Variants in SH3RF3 observed in about 807,000 individuals in gnomAD.
SH3RF3 encodes the protein E3 ubiquitin-protein ligase SH3RF3.
Under a neutral mutation model 66.3 loss-of-function variants are expected in SH3RF3, and 29 were observed. The ratio of observed to expected loss-of-function variants is 0.44; its 90% CI spans 0.33 to 0.60. The LOEUF (loss-of-function observed/expected upper bound fraction) is 0.60. SH3RF3 is among the 20% of genes least tolerant of loss of function. The probability of loss-of-function intolerance (pLI) is 0.04; values close to 1 mark genes in which losing one functional copy is unlikely to be tolerated. For synonymous variants in SH3RF3, 583 were observed against 532.0 expected (o/e 1.10, Z -1.32); for missense variants, 1,194 against 1,190.9 (o/e 1.00, Z -0.04).
At chr2:109,266,122 T>G (rs1198316609) in intron 1 of SH3RF3, among the ~76,000 whole-genome samples, 1 of 150,600 alleles carries the variant, frequency 6.6e-6, no homozygotes, top group Non-Finnish European at 1.5e-5. Flanking sequence ...TGTATGTGTA[T>G]TCAGTGTGTT....
At position 109,347,792 on chromosome 2, in the gene SH3RF3, G is replaced by GGTAC; in HGVS notation, c.693_696dup (p.His233ValfsTer35). ...CTGCGGCGCAAGGTGGATGAACAGTGGTACCACGGCGAGCTGCACGGCACA... is the reference window on the plus strand; with the variant it reads ...CTGCGGCGCAAGGTGGATGAACAGTGGTACGTACCACGGCGAGCTGCACGGCACA... On this transcript the variant is annotated frameshift_variant, in exon 2 of 10. Coordinates refer to ENST00000309415, the MANE Select transcript of SH3RF3 (RefSeq NM_001099289.3). LOFTEE classifies it high-confidence loss of function. 1 of 1,613,978 alleles carries GGTAC rather than the reference G, an allele frequency of 6.2e-7. No individual in the cohort carries two copies. The highest frequency in any genetic ancestry group is 8.5e-7 in the Non-Finnish European group (1 of 1,179,872).
chr2:109,462,842 C>T (rs953464163), intron 8 of SH3RF3, among the ~76,000 whole-genome samples: 3 of 152,184 alleles, frequency 2.0e-5, no homozygotes, highest in Non-Finnish European at 4.4e-5. Context: ...ATCACCTGTG[C>T]TCCATAAGCC....
intron 2 of SH3RF3, among the ~76,000 whole-genome samples, chr2:109,348,239 A>G (rs901257535): frequency 8.5e-5 from 13 of 152,348 alleles, no homozygotes; most frequent in African/African-American, 3.1e-4. Context: ...CAGGAGCAGA[A>G]CCCTCAGTTA....
At chr2:109,440,393 A>C (rs932898821) in intron 7 of SH3RF3, among the ~76,000 whole-genome samples, 1 of 152,224 alleles carries the variant, frequency 6.6e-6, no homozygotes, top group African/African-American at 2.4e-5. Flanking sequence ...CGAAAAGCTA[A>C]GCAGAGCAGA....
chr2:109,251,076 A>G (rs1680080382), intron 1 of SH3RF3, among the ~76,000 whole-genome samples: 1 of 151,858 alleles, frequency 6.6e-6, no homozygotes, highest in South Asian at 2.1e-4. Context: ...ATCTCGGCTC[A>G]TGGCAACCTC....
At chr2:109,430,056 G>A (rs1240843745) in intron 5 of SH3RF3, among the ~76,000 whole-genome samples, 1 of 152,208 alleles carries the variant, frequency 6.6e-6, no homozygotes, top group Non-Finnish European at 1.5e-5. Context: ...GAGTCCGTGA[G>A]CTGTGGTCAG....
Position 109,437,025 on chromosome 2 carries a change from C to G in SH3RF3, c.1707C>G (p.Ala569=). 1 of 1,613,920 alleles carries G rather than the reference C, an allele frequency of 6.2e-7. No homozygotes were observed. Among genetic ancestry groups the G allele is most frequent in the Non-Finnish European group, 8.5e-7 (1 of 1,179,904 alleles). ...LSSLATATRP[A]LPITTPQAHA... The stretch of plus-strand genomic sequence containing the variant: ...GCCTGGCCACTGCCACCAGGCCCGC[C>G]CTGCCCATCACCACTCCCCAGGCCC... The change falls in exon 7 of 10, where the codon GCC becomes GCG. Residue 569 remains alanine, a synonymous_variant. Coordinates refer to ENST00000309415, the MANE Select transcript of SH3RF3 (RefSeq NM_001099289.3).
chr2:109,422,577 C>T (rs996030197), intron 5 of SH3RF3, among the ~76,000 whole-genome samples: 1 of 149,184 alleles, frequency 6.7e-6, no homozygotes, highest in African/African-American at 2.5e-5. Context: ...AGACGTCTCT[C>T]ATTCCTGCAC....
intron 1 of SH3RF3, among the ~76,000 whole-genome samples, chr2:109,267,689 A>G (rs1315576565): frequency 6.6e-6 from 1 of 152,124 alleles, no homozygotes; most frequent in Non-Finnish European, 1.5e-5. Context: ...CCCACCCGTG[A>G]TCCCCTTTCC....
chr2:109,319,672 T>C (rs1681973876), intron 1 of SH3RF3, among the ~76,000 whole-genome samples: 1 of 152,212 alleles, frequency 6.6e-6, no homozygotes. Flanking sequence ...TCCTCTCTTT[T>C]TAAAGTGTGC....
intron 2 of SH3RF3, among the ~76,000 whole-genome samples, chr2:109,353,985 C>T (rs1682893833): frequency 6.6e-6 from 1 of 152,114 alleles, no homozygotes; most frequent in Non-Finnish European, 1.5e-5. Flanking sequence ...GTCAGAGCCC[C>T]CCGAAGTCTC....
intron 1 of SH3RF3, among the ~76,000 whole-genome samples, chr2:109,169,675 G>A (rs2104939152): frequency 6.6e-6 from 1 of 151,940 alleles, no homozygotes; most frequent in East Asian, 1.9e-4. Flanking sequence ...GTGTTTAATT[G>A]TTTTCATTGT....
intron 1 of SH3RF3, among the ~76,000 whole-genome samples, chr2:109,149,301 G>T (rs1677177299): frequency 6.6e-6 from 1 of 152,226 alleles, no homozygotes. Flanking sequence ...CATTGGCTTA[G>T]AGCTGAGAAG....
At chr2:109,275,750 C>T (rs922024890) in intron 1 of SH3RF3, among the ~76,000 whole-genome samples, 6 of 152,216 alleles carry the variant, frequency 3.9e-5, no homozygotes, top group South Asian at 2.1e-4. Flanking sequence ...CCCGGACAGC[C>T]GCACCTGCTT....
At chr2:109,236,299 G>GT (rs1419737735) in intron 1 of SH3RF3, among the ~76,000 whole-genome samples, 1 of 152,196 alleles carries the variant, frequency 6.6e-6, no homozygotes, top group African/African-American at 2.4e-5. Context: ...TCTGCATGCA[G>GT]TGTCGGGGCA....
intron 1 of SH3RF3, among the ~76,000 whole-genome samples, chr2:109,140,350 T>G (rs1211531073): frequency 6.6e-6 from 1 of 152,168 alleles, no homozygotes; most frequent in Non-Finnish European, 1.5e-5. Flanking sequence ...ACTGATGTTC[T>G]TTTTCTATTT....
intron 4 of SH3RF3, among the ~76,000 whole-genome samples, chr2:109,415,556 G>A (rs970379836): frequency 2.0e-5 from 3 of 152,122 alleles, no homozygotes; most frequent in African/African-American, 7.2e-5. Flanking sequence ...TGCAGGCTGG[G>A]CTCCCTCGCA....
chr2:109,448,839 A>G (rs1677781852), intron 7 of SH3RF3, among the ~76,000 whole-genome samples: 1 of 152,164 alleles, frequency 6.6e-6, no homozygotes, highest in Admixed American at 6.5e-5. Context: ...ATGGTTGGGG[A>G]CCGCTGAGTT....
At chr2:109,404,950 C>T (rs1318155850) in intron 4 of SH3RF3, among the ~76,000 whole-genome samples, 1 of 152,024 alleles carries the variant, frequency 6.6e-6, no homozygotes, top group Non-Finnish European at 1.5e-5. Context: ...TCCAGTGGAG[C>T]CCCGTCCTGG....
Sources: allele counts gnomAD v4.1 joint callset (sites outside exome capture counted in the v4.1 genomes callset), GRCh38; gene constraint gnomAD v4.1.1; transcripts MANE v1.5; gene names NCBI Gene and HGNC (gene_info 2026-07-23, HGNC 2026-07-21).